Variants in SMAD9 observed in about 807,000 individuals in gnomAD.
The protein encoded by SMAD9 is SMAD family member 9, also known as MAD homolog 9.
Under a neutral mutation model 46.1 loss-of-function variants are expected in SMAD9, and 36 were observed. The ratio of observed to expected loss-of-function variants is 0.78; its 90% CI spans 0.60 to 1.03. The LOEUF is 1.03. Ranked by LOEUF, SMAD9 falls within the 50% of genes least tolerant of loss-of-function variation. SMAD9 has a pLI of 0.00. For synonymous variants in SMAD9, 245 were observed against 237.1 expected (o/e 1.03, Z -0.31); for missense variants, 572 against 599.8 (o/e 0.95, Z 0.48).
intron 5 of SMAD9, among the ~76,000 whole-genome samples, chr13:36,857,852 C>T (rs998283577): frequency 2.0e-5 from 3 of 152,224 alleles, no homozygotes; most frequent in African/African-American, 7.2e-5. Flanking sequence ...CGTCCCAACA[C>T]AAGCACAACG....
chr13:36,867,163 A>G (rs2058242923), intron 4 of SMAD9, 110 bp downstream of exon 4: 3 of 746,124 alleles, frequency 4.0e-6, no homozygotes, highest in Non-Finnish European at 7.1e-6. Context: ...AACACATGCA[A>G]AACAGCAGGC....
rs112718581 is a variant in SMAD9, at chr13:36,899,058, CTAAT to C, written c.-186-19187_-186-19184del. On this transcript the variant is annotated intron_variant, in intron 1 of 6. Coordinates refer to ENST00000379826, the MANE Select transcript of SMAD9 (RefSeq NM_001127217.3). ...AAAAAAATTGAAAAAACTGTTGAAACTAATTAGTGAATTTAGCAATTGCAGGATA... is the reference window on the plus strand; with the variant it reads ...AAAAAAATTGAAAAAACTGTTGAAACTAGTGAATTTAGCAATTGCAGGATA... Among the ~76,000 whole-genome samples the C allele has an allele frequency of 7.2e-3, 1,099 of 152,148 alleles. 13 individuals carry two copies. Among genetic ancestry groups the C allele is most frequent in the African/African-American group, 0.025 (1,050 of 41,514 alleles).
chr13:36,864,200 G>A (rs183885123), intron 5 of SMAD9, among the ~76,000 whole-genome samples: 14 of 152,308 alleles, frequency 9.2e-5, no homozygotes, highest in Non-Finnish European at 7.4e-5. Context: ...TTTCCTTTGA[G>A]GAATGGCTAT....
In SMAD9 at chr13:36,909,171, G is replaced by T. The variant is rs966907881; in HGVS notation, c.-187+10945C>A. ...GAAACTAGATACAGTTTTTATTGTTGCTCATTATCACTTCTTTGGAAGACA... is the reference window on the plus strand; with the variant it reads ...GAAACTAGATACAGTTTTTATTGTTTCTCATTATCACTTCTTTGGAAGACA... On this transcript the variant is annotated intron_variant, in intron 1 of 6. Transcript: ENST00000379826. Among the ~76,000 whole-genome samples the T allele has an allele frequency of 5.3e-5, 8 of 152,076 alleles. 1 individual carries two copies. Among genetic ancestry groups the T allele is most frequent in the Admixed American group, 1.3e-4 (2 of 15,260 alleles).
intron 3 of SMAD9, among the ~76,000 whole-genome samples, chr13:36,870,710 T>G (rs769196211): frequency 1.6e-5 from 2 of 126,088 alleles, no homozygotes; most frequent in African/African-American, 3.4e-5. Context: ...CTATGTTTTT[T>G]TTCCTATACA....
intron 1 of SMAD9, among the ~76,000 whole-genome samples, chr13:36,899,736 A>T (rs2058558583): frequency 1.3e-5 from 2 of 152,208 alleles, no homozygotes; most frequent in African/African-American, 4.8e-5. Context: ...TCCTAAATTT[A>T]TCAGCATATG....
At chr13:36,866,976 A>C (rs1017542795) in intron 4 of SMAD9, among the ~76,000 whole-genome samples, 1 of 152,244 alleles carries the variant, frequency 6.6e-6, no homozygotes, top group Non-Finnish European at 1.5e-5. Context: ...ATAGAATAAA[A>C]TCCCTAACTT....
chr13:36,894,583 G>T (rs1273201070), intron 1 of SMAD9, among the ~76,000 whole-genome samples: 1 of 152,048 alleles, frequency 6.6e-6, no homozygotes, highest in African/African-American at 2.4e-5. Flanking sequence ...GAAATTATTC[G>T]TTATAGACTA....
chr13:36,858,578 C>T (rs138534982), intron 5 of SMAD9, among the ~76,000 whole-genome samples: 94 of 152,258 alleles, frequency 6.2e-4, no homozygotes, highest in African/African-American at 2.1e-3. Flanking sequence ...CACTCAAACA[C>T]GCAGCCACTC....
In SMAD9 at chr13:36,867,206, T is replaced by C. The variant is rs1336695451; in HGVS notation, c.781+67A>G. ...TTTCTGGTTTTCTTTTTTGAGTTGC[T>C]TTGTTTGGGGGTAATAGGAAATACT... On this transcript the variant is annotated intron_variant, in intron 4 of 6. Coordinates refer to ENST00000379826, the MANE Select transcript of SMAD9 (RefSeq NM_001127217.3). 6.5e-6 allele frequency: 7 copies of C among 1,084,016 alleles called. No individual in the cohort carries two copies. The Admixed American group carries it at 8.0e-5, about 12-fold the overall frequency. 67.1% of individuals were successfully genotyped at this position (1,084,016 alleles called of 1,614,324 possible).
intron 1 of SMAD9, among the ~76,000 whole-genome samples, chr13:36,888,663 A>C (rs1462532648): frequency 6.6e-6 from 1 of 152,186 alleles, no homozygotes; most frequent in Non-Finnish European, 1.5e-5. Context: ...TGATCATGTT[A>C]TGATGGAAGT....
At chr13:36,866,782 A>G (rs749163062) in intron 4 of SMAD9, among the ~76,000 whole-genome samples, 1 of 152,240 alleles carries the variant, frequency 6.6e-6, no homozygotes. Flanking sequence ...GATCTACAGA[A>G]TAAAAATCTT....
intron 6 of SMAD9, among the ~76,000 whole-genome samples, chr13:36,849,046 G>A (rs2058054602): frequency 6.6e-6 from 1 of 152,166 alleles, no homozygotes; most frequent in Admixed American, 6.5e-5. Context: ...GTTCACAACT[G>A]AATACTCGGA....
At chr13:36,875,292 C>T (rs1022388718) in intron 2 of SMAD9, among the ~76,000 whole-genome samples, 1 of 152,164 alleles carries the variant, frequency 6.6e-6, no homozygotes, top group Non-Finnish European at 1.5e-5. Flanking sequence ...TGCCATCTGC[C>T]TTTGACACCA....
chr13:36,877,814 G>A (rs1326399031), intron 2 of SMAD9, among the ~76,000 whole-genome samples: 3 of 152,142 alleles, frequency 2.0e-5, no homozygotes, highest in African/African-American at 4.8e-5. Context: ...TAAGTTCTGG[G>A]AGCTTGAAGG....
At chr13:36,862,704 A>T (rs59557282) in intron 5 of SMAD9, among the ~76,000 whole-genome samples, 4,653 of 152,230 alleles carry the variant, frequency 0.031, 121 homozygotes, top group South Asian at 0.12. Context: ...ACTTGCTTTC[A>T]GTTTACTCTA....
chr13:36,908,877 A>AT (rs779238267), intron 1 of SMAD9, among the ~76,000 whole-genome samples: 275 of 152,336 alleles, frequency 1.8e-3, no homozygotes, highest in Non-Finnish European at 3.3e-3. Context: ...ACTGAAGGCC[A>AT]TGACTACAAG....
intron 1 of SMAD9, among the ~76,000 whole-genome samples, chr13:36,895,736 G>C (rs2058522618): frequency 6.6e-6 from 1 of 152,156 alleles, no homozygotes; most frequent in African/African-American, 2.4e-5. Flanking sequence ...TTGAATCCTA[G>C]GCATAGGAAA....
At chr13:36,873,350 GT>G (rs2058315096) in intron 2 of SMAD9, among the ~76,000 whole-genome samples, 1 of 152,022 alleles carries the variant, frequency 6.6e-6, no homozygotes, top group African/African-American at 2.4e-5. Flanking sequence ...GGCAAAATCA[GT>G]TTCTCTTGCT....
Sources: gnomAD v4.1 joint callset for allele counts (sites outside exome capture counted in the v4.1 genomes callset) on GRCh38, gnomAD v4.1.1 for gene constraint, MANE v1.5 for transcripts, NCBI Gene and HGNC (gene_info 2026-07-23, HGNC 2026-07-21) for gene names.